The following SAMTOR variants were observed in gnomAD, a reference collection of about 807,000 sequenced individuals.
SAMTOR encodes S-adenosylmethionine sensor upstream of mTORC1.
At chr7:112,897,351 A>T in the SAMTOR span, among the ~76,000 whole-genome samples, 78 of 152,336 alleles carry the variant, frequency 5.1e-4, no homozygotes, top group African/African-American at 1.8e-3. Flanking sequence ...AGACTTTATC[A>T]ACTTGAAATT....
the SAMTOR span, among the ~76,000 whole-genome samples, chr7:112,936,586 A>G: frequency 6.6e-6 from 1 of 152,348 alleles, no homozygotes; most frequent in South Asian, 2.1e-4. Flanking sequence ...TTATCACAGC[A>G]AAAAAGAACA....
chr7:112,870,861 T>TA, the SAMTOR span, among the ~76,000 whole-genome samples: 107 of 148,908 alleles, frequency 7.2e-4, 1 homozygote, highest in South Asian at 0.018. Context: ...AAATGGAATA[T>TA]AAAAAAAAAC....
the SAMTOR span, among the ~76,000 whole-genome samples, chr7:112,934,377 C>A: frequency 1.2e-4 from 18 of 152,196 alleles, no homozygotes. Flanking sequence ...CTATAACAAG[C>A]CAATCTGCCT....
the SAMTOR span, among the ~76,000 whole-genome samples, chr7:112,869,422 C>T: frequency 7.9e-5 from 12 of 152,206 alleles, no homozygotes; most frequent in African/African-American, 2.4e-4. Flanking sequence ...GAATACATCT[C>T]TACACCAAGC....
At chr7:112,867,817 G>T in the SAMTOR span, among the ~76,000 whole-genome samples, 3 of 152,172 alleles carry the variant, frequency 2.0e-5, no homozygotes, top group Non-Finnish European at 4.4e-5. Context: ...CTTTGCTTTA[G>T]AACAGGGGTC....
At chr7:112,864,079 G>A in the SAMTOR span, among the ~76,000 whole-genome samples, 3 of 152,204 alleles carry the variant, frequency 2.0e-5, no homozygotes, top group Non-Finnish European at 4.4e-5. Flanking sequence ...ATAAAAAAAT[G>A]AGATCATATC....
the SAMTOR span, among the ~76,000 whole-genome samples, chr7:112,865,488 G>A: frequency 1.3e-5 from 2 of 151,918 alleles, no homozygotes; most frequent in Non-Finnish European, 2.9e-5. Context: ...ATGTTGGCCA[G>A]GATGGTCTCA....
chr7:112,876,896 C>T, the SAMTOR span, among the ~76,000 whole-genome samples: 3 of 152,116 alleles, frequency 2.0e-5, no homozygotes, highest in African/African-American at 4.8e-5. Context: ...CATTCCTTTG[C>T]GAGTCATCCT....
At chr7:112,926,783 G>A in the SAMTOR span, among the ~76,000 whole-genome samples, 4 of 152,078 alleles carry the variant, frequency 2.6e-5, no homozygotes, top group Non-Finnish European at 2.9e-5. Context: ...TGTAAAATGT[G>A]GAAATGCTAT....
chr7:112,916,002 C>A, the SAMTOR span, among the ~76,000 whole-genome samples: 1 of 152,124 alleles, frequency 6.6e-6, no homozygotes, highest in Non-Finnish European at 1.5e-5. Flanking sequence ...GTAAATTAAG[C>A]AATGAAGTAA....
chr7:112,900,327 A>G, the SAMTOR span, among the ~76,000 whole-genome samples: 2 of 152,160 alleles, frequency 1.3e-5, no homozygotes, highest in Admixed American at 1.3e-4. Context: ...TATAAGTTGT[A>G]GTCTAAGTTC....
chr7:112,874,560 G>A, the SAMTOR span, among the ~76,000 whole-genome samples: 1 of 152,144 alleles, frequency 6.6e-6, no homozygotes, highest in Non-Finnish European at 1.5e-5. Context: ...CTATCTGAGT[G>A]ATGGTATCAA....
the SAMTOR span, among the ~76,000 whole-genome samples, chr7:112,837,874 C>A: frequency 6.6e-6 from 1 of 151,884 alleles, no homozygotes. Flanking sequence ...GTATTTAATA[C>A]GTATTGTTGA....
chr7:112,910,118 G>T, the SAMTOR span, among the ~76,000 whole-genome samples: 1 of 151,650 alleles, frequency 6.6e-6, no homozygotes. Context: ...CTTTGACTGG[G>T]CTCCTGCTGC....
chr7:112,822,376 GC>G, the SAMTOR span: 1 of 1,573,444 alleles, frequency 6.4e-7, no homozygotes, highest in Admixed American at 2.0e-5. Flanking sequence ...TAGACACTCT[GC>G]AGAAACAGAA....
chr7:112,891,860 G>A, the SAMTOR span, among the ~76,000 whole-genome samples: 1 of 152,218 alleles, frequency 6.6e-6, no homozygotes, highest in Non-Finnish European at 1.5e-5. Flanking sequence ...GCTGCTGACT[G>A]ATTAGCATGA....
the SAMTOR span, among the ~76,000 whole-genome samples, chr7:112,838,113 G>C: frequency 2.0e-5 from 3 of 151,990 alleles, no homozygotes; most frequent in African/African-American, 7.2e-5. Context: ...TTGTGTGAGA[G>C]AGCGGAAACA....
At chr7:112,825,142 C>T in the SAMTOR span, among the ~76,000 whole-genome samples, 1 of 152,094 alleles carries the variant, frequency 6.6e-6, no homozygotes, top group Admixed American at 6.5e-5. Flanking sequence ...CCACCTCAGG[C>T]TCCTGAGTAG....
the SAMTOR span, among the ~76,000 whole-genome samples, chr7:112,878,727 G>A: frequency 4.2e-3 from 643 of 152,246 alleles, 8 homozygotes; most frequent in Non-Finnish European, 3.9e-3. Context: ...AATGTACTGA[G>A]AAATGAGGGA....
Sources: allele counts gnomAD v4.1 joint callset (sites outside exome capture counted in the v4.1 genomes callset), GRCh38; gene constraint gnomAD v4.1.1; transcripts MANE v1.5; gene names NCBI Gene and HGNC (gene_info 2026-07-23, HGNC 2026-07-21).